Variants in FNDC3A observed in about 807,000 individuals in gnomAD.
FNDC3A encodes the protein fibronectin type III domain containing 3A, also known as fibronectin type-III domain-containing protein 3A.
A neutral mutation model predicts 148.9 loss-of-function variants in FNDC3A; 32 were observed. The observed-to-expected ratio is 0.21, with a 90% CI of 0.16 to 0.29. The LOEUF (loss-of-function observed/expected upper bound fraction) is 0.29. Among genes scored for constraint, FNDC3A ranks in the 10% least tolerant of loss-of-function variants. The pLI is 1.00. For synonymous variants in FNDC3A, 472 were observed against 473.6 expected (o/e 1.00, Z 0.04); for missense variants, 1,191 against 1,452.8 (o/e 0.82, Z 2.93).
chr13:49,114,754 T>C, intron 4 of FNDC3A, 23 bp downstream of exon 4: 1 of 1,480,454 alleles, frequency 6.8e-7, no homozygotes, highest in Non-Finnish European at 9.4e-7. Context: ...GCTATTTTTC[T>C]TTTCATATTT....
chr13:49,131,421 C>A (rs758844482), intron 5 of FNDC3A, 47 bp downstream of exon 5: 1 of 1,299,746 alleles, frequency 7.7e-7, no homozygotes, highest in Non-Finnish European at 1.1e-6. Flanking sequence ...GGATATTCTT[C>A]GCTTGGATAT....
Position 49,207,139 on chromosome 13 carries a change from A to G in FNDC3A, c.3341A>G (p.Tyr1114Cys). ...RYSSLQLNCE[Y>C]RFRVCAIRQC... ...TCCAGCCTTCAGCTGAACTGTGAAT[A>G]TCGCTTCCGTGTATGTGCCATTCGC... The change falls in exon 26 of 26, where the codon TAT (tyrosine) becomes TGT (cysteine). Residue 1114 changes from tyrosine to cysteine, a missense_variant. Transcript: ENST00000492622. 4 of 1,614,192 alleles carry G rather than the reference A, an allele frequency of 2.5e-6. No individual in the cohort carries two copies. Among genetic ancestry groups the G allele is most frequent in the Non-Finnish European group, 2.5e-6 (3 of 1,180,030 alleles).
chr13:49,154,116 GC>G (rs1883499809), intron 8 of FNDC3A, among the ~76,000 whole-genome samples: 1 of 136,490 alleles, frequency 7.3e-6, no homozygotes, highest in Non-Finnish European at 1.6e-5. Context: ...GGGCAGTATG[GC>G]CATTTTCACA....
intron 2 of FNDC3A, among the ~76,000 whole-genome samples, chr13:49,039,977 G>T (rs1260103756): frequency 1.3e-5 from 2 of 152,218 alleles, no homozygotes; most frequent in Admixed American, 1.3e-4. Flanking sequence ...GCCTCCCAAA[G>T]TACTGGGATT....
intron 2 of FNDC3A, among the ~76,000 whole-genome samples, chr13:49,055,734 A>G (rs1196121525): frequency 6.6e-6 from 1 of 152,036 alleles, no homozygotes; most frequent in African/African-American, 2.4e-5. Context: ...TCGAACCAAT[A>G]TATATCTTAC....
intron 2 of FNDC3A, among the ~76,000 whole-genome samples, chr13:49,056,924 T>C (rs1487748629): frequency 1.3e-5 from 2 of 152,196 alleles, no homozygotes; most frequent in African/African-American, 2.4e-5. Flanking sequence ...AACCTACAGT[T>C]TGTTTTGTCT....
At position 49,207,222 on chromosome 13, in the gene FNDC3A, C is replaced by G. The variant is rs1017980323; in HGVS notation, c.3424C>G (p.Leu1142Val). The change falls in exon 26 of 26, where the codon CTC becomes GTC. Residue 1142 changes from leucine (L) to valine (V), a missense_variant. Transcript: ENST00000492622. ...DLVGPYSTTV[L>V]FISQRTEPPA... ...CGTAGGTCCCTACAGCACCACAGTG[C>G]TCTTCATCTCTCAGAGGACTGAACC... is the stretch of plus-strand genomic sequence containing the variant. The G allele has an allele frequency of 6.2e-7, 1 of 1,614,072 alleles. No individual in the cohort carries two copies. The highest frequency in any genetic ancestry group is 1.3e-5 in the African/African-American group (1 of 74,938).
intron 2 of FNDC3A, among the ~76,000 whole-genome samples, chr13:49,009,175 TA>T (rs1227083881): frequency 6.6e-6 from 1 of 152,234 alleles, no homozygotes; most frequent in African/African-American, 2.4e-5. Context: ...CTGATCTTTT[TA>T]CTATCTCTCT....
intron 2 of FNDC3A, among the ~76,000 whole-genome samples, chr13:49,059,049 A>T (rs1000605451): frequency 1.1e-4 from 16 of 152,230 alleles, no homozygotes; most frequent in African/African-American, 3.6e-4. Context: ...TCAGAAAGTT[A>T]AAAAGTACTC....
intron 2 of FNDC3A, among the ~76,000 whole-genome samples, chr13:49,025,705 G>A (rs887742687): frequency 6.6e-6 from 1 of 152,096 alleles, no homozygotes; most frequent in African/African-American, 2.4e-5. Context: ...AAAGTTTGGG[G>A]GAAGAAAGGA....
At chr13:49,057,534 A>G (rs1375747112) in intron 2 of FNDC3A, among the ~76,000 whole-genome samples, 1 of 152,036 alleles carries the variant, frequency 6.6e-6, no homozygotes, top group African/African-American at 2.4e-5. Flanking sequence ...TGCATTTGTT[A>G]TCTTATACCT....
At chr13:49,175,266 C>CA (rs1287728427) in intron 12 of FNDC3A, 101 bp from the exon 13 acceptor site, 1 of 699,152 alleles carries the variant, frequency 1.4e-6, no homozygotes, top group African/African-American at 1.8e-5. Flanking sequence ...AATTCATTAT[C>CA]AAAACTTGTC....
At chr13:49,203,112 T>A (rs752271448) in intron 24 of FNDC3A, 45 bp from the exon 25 acceptor site, 2 of 1,349,956 alleles carry the variant, frequency 1.5e-6, no homozygotes, top group Admixed American at 4.2e-5. Context: ...TGTACCAAAT[T>A]AAAAATCAAG....
chr13:49,131,437 A>C, intron 5 of FNDC3A, 63 bp downstream of exon 5: 1 of 1,155,472 alleles, frequency 8.7e-7, no homozygotes, highest in Non-Finnish European at 1.3e-6. Context: ...GATATAATAG[A>C]TGCCATTATC....
chr13:49,161,414 A>T (rs941231840), intron 8 of FNDC3A, among the ~76,000 whole-genome samples: 1 of 152,112 alleles, frequency 6.6e-6, no homozygotes, highest in African/African-American at 2.4e-5. Flanking sequence ...GGAGACTAGG[A>T]CTGCAACCCC....
At chr13:49,192,536 A>T (rs565538115) in intron 19 of FNDC3A, among the ~76,000 whole-genome samples, 1 of 152,152 alleles carries the variant, frequency 6.6e-6, no homozygotes, top group African/African-American at 2.4e-5. Context: ...GGCTCAAGAG[A>T]TCTACCCACC....
intron 2 of FNDC3A, among the ~76,000 whole-genome samples, chr13:49,017,940 T>C (rs141673335): frequency 0.057 from 8,616 of 152,266 alleles, 764 homozygotes; most frequent in African/African-American, 0.18. Flanking sequence ...CCTACTCTCT[T>C]CTGGCTTGTA....
intron 16 of FNDC3A, 69 bp downstream of exon 16, chr13:49,187,259 A>G: frequency 9.0e-7 from 1 of 1,111,546 alleles, no homozygotes; most frequent in East Asian, 2.4e-5. Flanking sequence ...ATGGCTTTAC[A>G]TTTTATGTCA....
At chr13:49,199,135 C>T (rs1353625479) in intron 23 of FNDC3A, among the ~76,000 whole-genome samples, 4 of 152,056 alleles carry the variant, frequency 2.6e-5, no homozygotes, top group Non-Finnish European at 4.4e-5. Flanking sequence ...ATCCTCCCAC[C>T]TCAGCTCCCC....
Sources: gnomAD v4.1 joint callset for allele counts (sites outside exome capture counted in the v4.1 genomes callset) on GRCh38, gnomAD v4.1.1 for gene constraint, MANE v1.5 for transcripts, NCBI Gene and HGNC (gene_info 2026-07-23, HGNC 2026-07-21) for gene names.